TRRAP: variants seen among roughly 807,000 people sequenced by gnomAD.
TRRAP encodes the protein transformation/transcription domain associated protein, also known as transformation/transcription domain-associated protein.
TRRAP carries 41 observed loss-of-function variants against 438.8 expected under a neutral mutation model. The ratio of observed to expected loss-of-function variants is 0.09; its 90% CI spans 0.07 to 0.12. The LOEUF (loss-of-function observed/expected upper bound fraction) is 0.12. Among genes scored for constraint, TRRAP ranks in the 10% least tolerant of loss-of-function variants. TRRAP has a pLI of 1.00. For synonymous variants in TRRAP, 1,994 were observed against 1,962.9 expected (o/e 1.02, Z -0.42); for missense variants, 3,122 against 5,055.1 (o/e 0.62, Z 11.60).
Position 98,990,491 on chromosome 7 carries a change from A to G in TRRAP, c.9628A>G (p.Thr3210Ala), listed in dbSNP as rs1283876789. The change falls in exon 64 of 73, where the codon ACT (threonine) becomes GCT (alanine). Residue 3210 changes from threonine (T) to alanine (A), a missense_variant. Thr to Ala is a moderately conservative substitution (Grantham distance 58). Transcript: ENST00000456197. ...TTTGAGTTTTGATGATGACAAAAAC[A>G]CTTTGGCAGATGCCGTCGACAAGTA... ...WLLSFDDDKN[T>A]LADAVDKYCI... is the part of the protein sequence containing the mutation. 6.2e-7 allele frequency: 1 copy of G among 1,613,958 alleles called. No individual in the cohort carries two copies. The highest frequency in any genetic ancestry group is 1.1e-5 in the South Asian group (1 of 91,080).
rs115470976 is a variant in TRRAP, at chr7:98,921,144, C to T, written c.2623-609C>T. On this transcript the variant is annotated intron_variant, in intron 20 of 72. Transcript: ENST00000456197. Reference sequence around the variant, plus strand: ...GAGCAGCATGTGCCTAAACAAGATACTGCTTAGTTTTCTTGTTTTGGAGCT... The same window carrying T: ...GAGCAGCATGTGCCTAAACAAGATATTGCTTAGTTTTCTTGTTTTGGAGCT... Among the ~76,000 whole-genome samples the T allele has an allele frequency of 6.6e-3, 998 of 152,208 alleles. 8 individuals carry two copies. Among genetic ancestry groups the T allele is most frequent in the African/African-American group, 0.023 (971 of 41,534 alleles).
At chr7:98,995,120 T>G (rs1793592206) in intron 67 of TRRAP, among the ~76,000 whole-genome samples, 1 of 152,190 alleles carries the variant, frequency 6.6e-6, no homozygotes, top group Non-Finnish European at 1.5e-5. Flanking sequence ...CCTGCCCTCC[T>G]GCCTTCCTGA....
intron 27 of TRRAP, among the ~76,000 whole-genome samples, chr7:98,934,911 T>C (rs1337349250): frequency 2.0e-5 from 3 of 152,202 alleles, no homozygotes; most frequent in African/African-American, 7.2e-5. Context: ...TTCTGCTGTT[T>C]TAAGTCTTTT....
chr7:98,893,928 GTTCC>G (rs1554405365), intron 6 of TRRAP, 47 bp downstream of exon 6: 1 of 1,574,408 alleles, frequency 6.4e-7, no homozygotes. Flanking sequence ...GTGTCAACAT[GTTCC>G]TTCTGTGAAA....
intron 18 of TRRAP, among the ~76,000 whole-genome samples, chr7:98,913,246 A>G (rs1303440508): frequency 6.6e-6 from 1 of 152,058 alleles, no homozygotes; most frequent in Non-Finnish European, 1.5e-5. Context: ...TTCTGCGGTT[A>G]CAGTTACATC....
rs774193772 is a variant in TRRAP, at chr7:98,985,054, TTA to T, written c.9389+14_9389+15del. ...TGGCTCAGATCAACAAGTATGTATG[TTA>T]TATTGAAAGGATAAGAGAAAAAATG... On this transcript the variant is annotated intron_variant, in intron 62 of 72. Coordinates refer to ENST00000456197, the MANE Select transcript of TRRAP (RefSeq NM_001375524.1). 5 of 1,571,492 alleles carry T rather than the reference TTA, an allele frequency of 3.2e-6. No homozygotes were observed. The South Asian group carries it at 5.7e-5, about 18-fold the overall frequency.
At chr7:98,993,451 TC>T in intron 65 of TRRAP, 86 bp from the exon 66 acceptor site, 1 of 1,410,350 alleles carries the variant, frequency 7.1e-7, no homozygotes, top group Non-Finnish European at 9.7e-7. Context: ...GAACCAGCGC[TC>T]CTTTGGCCCA....
chr7:98,909,466 A>G (rs1179476478), intron 14 of TRRAP, among the ~76,000 whole-genome samples: 2 of 152,206 alleles, frequency 1.3e-5, no homozygotes, highest in East Asian at 3.8e-4. Context: ...ACTTGGGGTG[A>G]TGATATCTGC....
rs149035665 is a variant in TRRAP, at chr7:98,949,729, C to A, written c.5023C>A (p.Arg1675=). ...CCAGCACTCTCTGGTGAGCCAGTTG[C>A]GACGTGTGTGGGTGAGTGAGAACTT... The part of the protein sequence containing the change: ...ASQHSLVSQL[R]RVWVSENFQE... The change falls in exon 37 of 73, where the codon CGA becomes AGA. Residue 1675 remains arginine, a synonymous_variant. Coordinates refer to ENST00000456197, the MANE Select transcript of TRRAP (RefSeq NM_001375524.1). 2.2e-4 allele frequency: 360 copies of A among 1,613,868 alleles called. No individual in the cohort carries two copies. The highest frequency in any genetic ancestry group is 2.9e-4 in the Non-Finnish European group (346 of 1,180,048).
rs782004068 is a variant in TRRAP, at chr7:98,956,540, T to A, written c.6231+7T>A. On this transcript the variant is annotated splice_region_variant and intron_variant, in intron 43 of 72. Transcript: ENST00000456197. This position sits in a 1 kb window ranked among gnomAD's most constrained non-coding sequence, Gnocchi z 4.5. ...CACCGGAGCCATCAGTGCAGTAAGA[T>A]CATGTGCCTCTGTATGGGTGCTGCG... The A allele has an allele frequency of 3.1e-6, 5 of 1,611,270 alleles. No individual in the cohort carries two copies. Among genetic ancestry groups the A allele is most frequent in the Non-Finnish European group, 4.2e-6 (5 of 1,179,266 alleles).
chr7:98,967,055 G>C lies in TRRAP; in HGVS notation c.7191G>C (p.Arg2397=). 6.2e-7 allele frequency: 1 copy of C among 1,613,634 alleles called. No individual in the cohort carries two copies. Residue 2397 remains arginine (R), a synonymous_variant, in exon 50 of 73, where the codon CGG becomes CGC. Coordinates refer to ENST00000456197, the MANE Select transcript of TRRAP (RefSeq NM_001375524.1). The part of the protein sequence containing the change: ...PMAANQTPTL[R]EKSILLVKMM... Reference sequence around the variant, plus strand: ...ATTTCATACAGACACCTACACTCCGGGAGAAGTCCATTTTGCTTGTGAAGA... The same window carrying C: ...ATTTCATACAGACACCTACACTCCGCGAGAAGTCCATTTTGCTTGTGAAGA...
At chr7:98,973,509 T>C (rs1466269556) in intron 53 of TRRAP, among the ~76,000 whole-genome samples, 2 of 152,324 alleles carry the variant, frequency 1.3e-5, no homozygotes, top group African/African-American at 4.8e-5. Flanking sequence ...CTTGGCTCAG[T>C]TGGTCACAGC....
chr7:98,967,786 C>T, intron 51 of TRRAP, 88 bp downstream of exon 51: 5 of 1,174,786 alleles, frequency 4.3e-6, no homozygotes, highest in Non-Finnish European at 6.0e-6. Flanking sequence ...TTCACACACA[C>T]TGAGATGAAT....
intron 8 of TRRAP, among the ~76,000 whole-genome samples, 150 bp from the exon 9 acceptor site, chr7:98,899,255 TAGTTTGGATCTTTCATC>T (rs1205315409): frequency 2.0e-4 from 30 of 152,206 alleles, no homozygotes; most frequent in Non-Finnish European, 3.5e-4. Context: ...GTTTTCAACA[TAGTTTGGATCTTTCATC>T]AGTTTGGATC....
At chr7:98,923,889 C>T (rs1178662374) in intron 21 of TRRAP, among the ~76,000 whole-genome samples, 1 of 152,198 alleles carries the variant, frequency 6.6e-6, no homozygotes, top group Non-Finnish European at 1.5e-5. Flanking sequence ...CTTCAGATTA[C>T]TTTTGTGTGT....
At chr7:98,963,504 G>A (rs764952854) in intron 47 of TRRAP, among the ~76,000 whole-genome samples, 3 of 152,156 alleles carry the variant, frequency 2.0e-5, no homozygotes, top group African/African-American at 7.2e-5. Context: ...GGGCAGCCTC[G>A]GGGTGAGGTG....
At chr7:98,937,867 T>TA (rs1246378078) in intron 30 of TRRAP, 47 bp downstream of exon 30, 8 of 1,522,666 alleles carry the variant, frequency 5.3e-6, no homozygotes, top group Non-Finnish European at 7.0e-6. Flanking sequence ...TTCAAAAAAT[T>TA]AAATTATTTT....
At chr7:98,921,100 G>C (rs1554410421) in intron 20 of TRRAP, among the ~76,000 whole-genome samples, 1 of 152,160 alleles carries the variant, frequency 6.6e-6, no homozygotes, top group African/African-American at 2.4e-5. Context: ...GCCTCCCAAA[G>C]TGCTGGGATT....
intron 62 of TRRAP, among the ~76,000 whole-genome samples, chr7:98,987,197 C>T (rs139303071): frequency 6.6e-6 from 1 of 152,200 alleles, no homozygotes; most frequent in Non-Finnish European, 1.5e-5. Context: ...TTCCATTGAT[C>T]TGCTATGTAG....
Sources: gnomAD v4.1 joint callset for allele counts (sites outside exome capture counted in the v4.1 genomes callset) on GRCh38, gnomAD v4.1.1 for gene constraint, Gnocchi (gnomAD v3.1) non-coding constraint, MANE v1.5 for transcripts, NCBI Gene and HGNC (gene_info 2026-07-23, HGNC 2026-07-21) for gene names.